Variants in HEG1 observed in about 807,000 individuals in gnomAD.
HEG1 encodes the protein protein HEG homolog 1.
In HEG1, 56 loss-of-function variants were observed where a neutral mutation model predicts 125.6. The observed-to-expected ratio is 0.45, with a 90% confidence interval of 0.36 to 0.56. The LOEUF (loss-of-function observed/expected upper bound fraction) is 0.56, where lower values mean the gene tolerates loss of function less well. Ranked by LOEUF, HEG1 falls within the 20% of genes least tolerant of loss-of-function variation. The pLI is 0.00. For synonymous variants in HEG1, 644 were observed against 668.5 expected (o/e 0.96, Z 0.57); for missense variants, 1,523 against 1,670.0 (o/e 0.91, Z 1.53).
chr3:125,012,360 T>A (rs1298994972), intron 6 of HEG1, among the ~76,000 whole-genome samples: 1 of 152,220 alleles, frequency 6.6e-6, no homozygotes, highest in Non-Finnish European at 1.5e-5. Flanking sequence ...AATTGTACCA[T>A]CTACTAATGT....
intron 1 of HEG1, among the ~76,000 whole-genome samples, chr3:125,030,993 T>C (rs1185843044): frequency 1.3e-5 from 2 of 152,212 alleles, no homozygotes; most frequent in African/African-American, 4.8e-5. Flanking sequence ...TCAGAAAATA[T>C]ATTTAAATGA....
At chr3:124,995,191 T>C (rs2107693478) in intron 12 of HEG1, among the ~76,000 whole-genome samples, 1 of 152,110 alleles carries the variant, frequency 6.6e-6, no homozygotes, top group African/African-American at 2.4e-5. Flanking sequence ...CCCAGCTACT[T>C]GGGAGGCTGA....
In HEG1 at chr3:124,973,741, A is replaced by C; in HGVS notation, c.3986T>G (p.Val1329Gly). 1 of 1,613,734 alleles carries C rather than the reference A, an allele frequency of 6.2e-7. No individual in the cohort carries two copies. Among genetic ancestry groups the C allele is most frequent in the Non-Finnish European group, 8.5e-7 (1 of 1,179,768 alleles). The change falls in exon 16 of 17, where the codon GTG (valine) becomes GGG (glycine). Residue 1329 changes from valine to glycine, a missense_variant. Physicochemically the swap from Val to Gly is moderately radical, Grantham distance 109. Coordinates refer to ENST00000311127, the MANE Select transcript of HEG1 (RefSeq NM_020733.2). ...CACAGGAATACACACCGAGTAGTAC[A>C]CATCCGTCATCTGGAGGAGGTTTTT... ...STKNLLQMTD[V>G]YYSPTSVRNP...
Position 124,970,609 on chromosome 3 carries a change from C to T in HEG1, c.*43G>A. On this transcript the variant is annotated 3_prime_UTR_variant, in exon 17 of 17. Coordinates refer to ENST00000311127, the MANE Select transcript of HEG1 (RefSeq NM_020733.2). ...GGTGCGGTCCTCTGAGCAGAGGTCC[C>T]AGGTGACTGGCTCAGAGCAATGAGT... is the stretch of plus-strand genomic sequence containing the variant. 2 of 1,553,602 alleles carry T rather than the reference C, an allele frequency of 1.3e-6. No homozygotes were observed. The highest frequency in any genetic ancestry group is 1.7e-6 in the Non-Finnish European group (2 of 1,143,764).
chr3:125,020,798 A>T lies in HEG1; in HGVS notation c.1246T>A (p.Ser416Thr), dbSNP rs372568685. The change falls in exon 4 of 17, where the codon TCC (serine) becomes ACC (threonine). Residue 416 changes from serine to threonine, a missense_variant. By Grantham distance (58) the Ser-to-Thr change is moderately conservative. Coordinates refer to ENST00000311127, the MANE Select transcript of HEG1 (RefSeq NM_020733.2). ...GLTSLRWQND[S>T]PTFGEHQLAS... ...GTAAAGATGGAATACTTACTTGGGG[A>T]ATCATTTTGCCAACGCAAAGACGTA... The T allele has an allele frequency of 4.9e-5, 79 of 1,611,264 alleles. No homozygotes were observed. Among genetic ancestry groups the T allele is most frequent in the African/African-American group, 2.7e-5 (2 of 74,840 alleles).
intron 14 of HEG1, among the ~76,000 whole-genome samples, chr3:124,985,899 TC>T (rs1280861831): frequency 6.6e-6 from 1 of 152,248 alleles, no homozygotes; most frequent in Admixed American, 6.5e-5. Flanking sequence ...TGCCTCAGCC[TC>T]CCGCGTAGCT....
Position 124,989,446 on chromosome 3 carries a change from T to C in HEG1, c.3733+1341A>G, listed in dbSNP as rs536465974. ...GTCTGTAGGATGAGAGCCAAAGCTG[T>C]CCTAAACTAAAATCTTCATTGTTAG... On this transcript the variant is annotated intron_variant, in intron 14 of 16. Coordinates refer to ENST00000311127, the MANE Select transcript of HEG1 (RefSeq NM_020733.2). 3.3e-3 allele frequency among the ~76,000 whole-genome samples: 497 copies of C among 152,302 alleles called. 4 individuals are homozygous for C. Among genetic ancestry groups the C allele is most frequent in the African/African-American group, 0.011 (471 of 41,540 alleles).
At position 125,013,105 on chromosome 3, in the gene HEG1, T is replaced by A. The variant is rs200003756; in HGVS notation, c.2474A>T (p.Glu825Val). Residue 825 changes from glutamate (E) to valine (V), a missense_variant, in exon 6 of 17, where the codon GAG becomes GTG. Glu to Val is a moderately radical substitution (Grantham distance 121). Coordinates refer to ENST00000311127, the MANE Select transcript of HEG1 (RefSeq NM_020733.2). ...GGTGCTTGTGGCTGGAAGGGTTTGC[T>A]CTGTGGAGGACTCTGTTAAGGATGG... ...LPPSLTESSTEQTLPATSTNL... is the reference protein window; with the variant it reads ...LPPSLTESSTVQTLPATSTNL... The A allele has an allele frequency of 5.0e-5, 80 of 1,613,848 alleles. No homozygotes were observed. The highest frequency in any genetic ancestry group is 1.6e-4 in the Middle Eastern group (1 of 6,084).
chr3:124,999,544 AC>A (rs1936970661), intron 11 of HEG1, among the ~76,000 whole-genome samples: 1 of 152,154 alleles, frequency 6.6e-6, no homozygotes. Context: ...TTTTCCTTCC[AC>A]CCTGCCCATT....
intron 1 of HEG1, among the ~76,000 whole-genome samples, chr3:125,053,405 GA>G (rs1342375404): frequency 6.6e-6 from 1 of 151,856 alleles, no homozygotes; most frequent in African/African-American, 2.4e-5. Flanking sequence ...GCCACTACCA[GA>G]AAAAAAAGCA....
chr3:125,051,356 G>A (rs1427783056), intron 1 of HEG1, among the ~76,000 whole-genome samples: 1 of 152,224 alleles, frequency 6.6e-6, no homozygotes, highest in African/African-American at 2.4e-5. Context: ...CGAATGATGA[G>A]CAGGAGAGGA....
At chr3:125,020,212 GGGCCA>G (rs1182754271) in intron 4 of HEG1, among the ~76,000 whole-genome samples, 1 of 152,116 alleles carries the variant, frequency 6.6e-6, no homozygotes, top group East Asian at 1.9e-4. Context: ...GGATTGCTTA[GGGCCA>G]GAGCTCAAGA....
chr3:125,015,077 A>G (rs1244301486), intron 5 of HEG1: 23 of 1,115,444 alleles, frequency 2.1e-5, no homozygotes, highest in South Asian at 4.7e-5. Flanking sequence ...TCGTGCCCCA[A>G]GCCTCACTTC....
rs1264437594 is a variant in HEG1, at chr3:125,019,367, A to T, written c.1483T>A (p.Ser495Thr). The change falls in exon 5 of 17, where the codon TCT becomes ACT. Residue 495 changes from serine (S) to threonine (T), a missense_variant. Ser to Thr is a moderately conservative substitution (Grantham distance 58). Coordinates refer to ENST00000311127, the MANE Select transcript of HEG1 (RefSeq NM_020733.2). ...CCCAATGCTGTGTGACTTCCTCCAG[A>T]CTGTACAGTAGAGTCTGAGAACTGG... ...LTQFSDSTVQ[S>T]GGSHTALGDR... The T allele has an allele frequency of 6.2e-7, 1 of 1,613,962 alleles. No individual in the cohort carries two copies. The highest frequency in any genetic ancestry group is 1.3e-5 in the African/African-American group (1 of 75,034).
intron 9 of HEG1, among the ~76,000 whole-genome samples, chr3:125,003,509 T>C (rs1051689088): frequency 6.6e-6 from 1 of 152,262 alleles, no homozygotes; most frequent in Admixed American, 6.5e-5. Context: ...CCTTTGCTCT[T>C]GGATCCTGGG....
rs892741885 is a variant in HEG1 at position 124,968,821 on chromosome 3, A to G, written c.*1831T>C. On this transcript the variant is annotated 3_prime_UTR_variant, in exon 17 of 17. Transcript: ENST00000311127. ...ACAAAGGGCCATTGGTTCTACAGAG[A>G]GAGAGGCCCAAGATTTCAAAAAGGC... The G allele has an allele frequency of 2.6e-5, 4 of 152,232 alleles. No homozygotes were observed. The highest frequency in any genetic ancestry group is 5.9e-5 in the Non-Finnish European group (4 of 68,050). 9.4% of individuals were successfully genotyped at this position (152,232 alleles called of 1,614,324 possible). A position where few individuals can be genotyped will look rare whatever the true frequency, so the allele number is the denominator to read the frequency against.
At chr3:125,031,623 C>A (rs1023982182) in intron 1 of HEG1, among the ~76,000 whole-genome samples, 1 of 151,964 alleles carries the variant, frequency 6.6e-6, no homozygotes, top group Non-Finnish European at 1.5e-5. Flanking sequence ...GTAGAGGCTG[C>A]AGGTAGAACC....
intron 12 of HEG1, among the ~76,000 whole-genome samples, chr3:124,995,019 C>T (rs1241202767): frequency 1.3e-5 from 2 of 152,142 alleles, no homozygotes; most frequent in Non-Finnish European, 2.9e-5. Flanking sequence ...GAATTCATTG[C>T]CAGGTGTGGT....
intron 14 of HEG1, 150 bp downstream of exon 14, chr3:124,990,637 C>A: frequency 1.3e-6 from 1 of 758,398 alleles, no homozygotes; most frequent in Non-Finnish European, 2.2e-6. Context: ...CCACGTCTGG[C>A]CTTTCTCTTT....
Sources: gnomAD v4.1 joint callset for allele counts (sites outside exome capture counted in the v4.1 genomes callset) on GRCh38, gnomAD v4.1.1 for gene constraint, MANE v1.5 for transcripts, NCBI Gene and HGNC (gene_info 2026-07-23, HGNC 2026-07-21) for gene names.